The following NLK variants were observed in gnomAD, a reference collection of about 807,000 sequenced individuals.
NLK encodes nemo like kinase, also known as serine/threonine-protein kinase NLK.
In NLK, 11 loss-of-function variants were observed where a neutral mutation model predicts 59.0. That is an observed-to-expected ratio of 0.19 (90% CI 0.12 to 0.31). The LOEUF (loss-of-function observed/expected upper bound fraction) is 0.31, where lower values mean the gene tolerates loss of function less well. Among genes scored for constraint, NLK ranks in the 10% least tolerant of loss-of-function variants. The pLI is 1.00. For missense variants in NLK, 410 were observed against 661.1 expected (o/e 0.62, Z 4.16); for synonymous variants, 235 against 235.9 (o/e 1.00, Z 0.03).
intron 1 of NLK, chr17:28,116,535 A>G (rs1905782138): frequency 6.6e-6 from 1 of 152,254 alleles, no homozygotes; most frequent in South Asian, 2.1e-4. Context: ...AATTATTAAA[A>G]TATTAGCTTA....
intron 3 of NLK, among the ~76,000 whole-genome samples, chr17:28,144,239 A>ATTTAGTGTGTAGCAAATCCTGAGATTGTT (rs1246047531): frequency 2.0e-5 from 3 of 152,108 alleles, no homozygotes; most frequent in African/African-American, 4.8e-5. Context: ...CATAAAGATG[A>ATTTAGTGTGTAGCAAATCCTGAGATTGTT]TTTAGTGTGT....
chr17:28,074,469 G>A (rs1393687287), intron 1 of NLK, among the ~76,000 whole-genome samples: 2 of 152,140 alleles, frequency 1.3e-5, no homozygotes, highest in Non-Finnish European at 2.9e-5. Flanking sequence ...AAATGGAGAG[G>A]TTTCCTAAAT....
At chr17:28,122,779 C>G (rs757997239) in intron 2 of NLK, 47 bp downstream of exon 2, 6 of 1,606,282 alleles carry the variant, frequency 3.7e-6, no homozygotes, top group Non-Finnish European at 5.1e-6. Context: ...AAGCCTCCTG[C>G]ATTGAATTAG....
At chr17:28,171,152 A>G (rs1597721352) in intron 6 of NLK, 1 of 152,202 alleles carries the variant, frequency 6.6e-6, no homozygotes, top group South Asian at 2.1e-4. Flanking sequence ...GAGATCCAAA[A>G]GTATCACCTA....
intron 1 of NLK, among the ~76,000 whole-genome samples, chr17:28,066,920 G>T (rs1416260924): frequency 6.6e-6 from 1 of 152,066 alleles, no homozygotes; most frequent in Non-Finnish European, 1.5e-5. Flanking sequence ...ATCTATTCAA[G>T]CCTTTGCCCA....
At chr17:28,094,569 A>G (rs1472741447) in intron 1 of NLK, among the ~76,000 whole-genome samples, 1 of 152,200 alleles carries the variant, frequency 6.6e-6, no homozygotes, top group Non-Finnish European at 1.5e-5. Flanking sequence ...AAGATTAAGT[A>G]TCTGAAAAGG....
intron 3 of NLK, among the ~76,000 whole-genome samples, chr17:28,139,542 A>C (rs1200630869): frequency 3.3e-5 from 5 of 152,214 alleles, no homozygotes; most frequent in African/African-American, 7.2e-5. Flanking sequence ...AGCCTTGCTT[A>C]TTCATTCAGC....
intron 2 of NLK, among the ~76,000 whole-genome samples, chr17:28,131,586 TAAAAA>T (rs35804817): frequency 3.7e-4 from 31 of 83,716 alleles, no homozygotes; most frequent in Admixed American, 9.6e-4. Context: ...TTCTCTGTAG[TAAAAA>T]AAAAAAAAAA....
At chr17:28,098,933 C>G (rs893718719) in intron 1 of NLK, among the ~76,000 whole-genome samples, 3 of 152,172 alleles carry the variant, frequency 2.0e-5, no homozygotes. Context: ...TCACCTACCT[C>G]TGCTTCCCAA....
chr17:28,136,205 G>A lies in NLK; in HGVS notation c.644+3530G>A, dbSNP rs184786059. On this transcript the variant is annotated intron_variant, in intron 3 of 10. Transcript: ENST00000407008. ...ATATCACTTAATTTTTTAGCTTCAG[G>A]TTAAAAAATTGACACATTACTCTCA... 2.3e-3 allele frequency among the ~76,000 whole-genome samples: 342 copies of A among 151,990 alleles called. 3 individuals are homozygous for A. Among genetic ancestry groups the A allele is most frequent in the Non-Finnish European group, 3.0e-3 (204 of 67,974 alleles).
intron 1 of NLK, among the ~76,000 whole-genome samples, chr17:28,087,663 G>A (rs890710698): frequency 6.6e-6 from 1 of 152,202 alleles, no homozygotes; most frequent in Non-Finnish European, 1.5e-5. Flanking sequence ...GATAAAACTA[G>A]AAACAGGGAT....
chr17:28,197,744 C>G (rs1469483903), downstream of NLK, among the ~76,000 whole-genome samples: 1 of 151,360 alleles, frequency 6.6e-6, no homozygotes, highest in Non-Finnish European at 1.5e-5. Flanking sequence ...TTTTGTCTCT[C>G]TATGGTATGT....
At chr17:28,178,731 T>C (rs1309546375) in intron 7 of NLK, among the ~76,000 whole-genome samples, 2 of 152,224 alleles carry the variant, frequency 1.3e-5, no homozygotes, top group African/African-American at 4.8e-5. Flanking sequence ...AGAGAGTTCA[T>C]TCAGTTCAAA....
intron 1 of NLK, among the ~76,000 whole-genome samples, chr17:28,056,310 C>T (rs991118439): frequency 5.3e-5 from 8 of 152,124 alleles, no homozygotes; most frequent in Non-Finnish European, 1.2e-4. Flanking sequence ...CTTTAGAATG[C>T]GTCTAGTCTA....
At chr17:28,062,673 C>T (rs1393762637) in intron 1 of NLK, among the ~76,000 whole-genome samples, 5 of 152,032 alleles carry the variant, frequency 3.3e-5, no homozygotes, top group Admixed American at 2.0e-4. Context: ...CTCTGCCTCC[C>T]GGGTTCAAGC....
At position 28,122,591 on chromosome 17, in the gene NLK, T is replaced by C. The variant is rs772953222; in HGVS notation, c.459-12T>C. 2.5e-6 allele frequency: 4 copies of C among 1,612,624 alleles called. No homozygotes were observed. Among genetic ancestry groups the C allele is most frequent in the South Asian group, 2.2e-5 (2 of 90,654 alleles). On this transcript the variant is annotated splice_polypyrimidine_tract_variant and intron_variant, in intron 1 of 10. Transcript: ENST00000407008. The stretch of plus-strand genomic sequence containing the variant: ...TCTTTTTTTTCCCCTTCCCCAAATA[T>C]TGCTTCTTTAGGTCAGTAACAGATC...
At chr17:28,151,742 A>G (rs191349459) in intron 3 of NLK, among the ~76,000 whole-genome samples, 102 of 152,220 alleles carry the variant, frequency 6.7e-4, no homozygotes, top group African/African-American at 2.4e-3. Context: ...AAGCAGAGAT[A>G]TAAAAGTAGC....
At chr17:28,068,725 G>A (rs917771198) in intron 1 of NLK, among the ~76,000 whole-genome samples, 2 of 152,062 alleles carry the variant, frequency 1.3e-5, no homozygotes, top group African/African-American at 4.8e-5. Context: ...TGTTGCCCAA[G>A]CTAGAATGCA....
chr17:28,058,328 C>G (rs1043064946), intron 1 of NLK, among the ~76,000 whole-genome samples: 5 of 152,212 alleles, frequency 3.3e-5, no homozygotes, highest in African/African-American at 1.2e-4. Context: ...TTATCAACAT[C>G]TATCAGCTTG....
Sources: gnomAD v4.1 joint callset for allele counts (sites outside exome capture counted in the v4.1 genomes callset) on GRCh38, gnomAD v4.1.1 for gene constraint, MANE v1.5 for transcripts, NCBI Gene and HGNC (gene_info 2026-07-23, HGNC 2026-07-21) for gene names.